The following ZNF560 variants were observed in gnomAD, a reference collection of about 807,000 sequenced individuals.
ZNF560 encodes zinc finger protein 560.
ZNF560 carries 54 observed loss-of-function variants against 81.8 expected under a neutral mutation model. The ratio of observed to expected loss-of-function variants is 0.66; its 90% CI spans 0.53 to 0.83. The LOEUF (loss-of-function observed/expected upper bound fraction) is 0.83. Ranked by LOEUF, ZNF560 falls within the 40% of genes least tolerant of loss-of-function variation. The pLI, the probability that ZNF560 is intolerant of heterozygous loss-of-function variation, is 0.00. For missense variants in ZNF560, 940 were observed against 932.4 expected (o/e 1.01, Z -0.11); for synonymous variants, 321 against 317.9 (o/e 1.01, Z -0.10).
the ZNF560 span, among the ~76,000 whole-genome samples, chr19:9,446,900 C>T: frequency 7.2e-5 from 11 of 151,872 alleles, no homozygotes; most frequent in Non-Finnish European, 1.3e-4. Flanking sequence ...TTTGGGAGGC[C>T]GAGGTGGGCA....
intron 2 of ZNF560, among the ~76,000 whole-genome samples, chr19:9,482,042 A>C (rs1330082680): frequency 6.6e-6 from 1 of 152,236 alleles, no homozygotes; most frequent in Non-Finnish European, 1.5e-5. Context: ...AATCAATGAT[A>C]GACTGGATTA....
At chr19:9,473,597 G>A (rs2073155924) in intron 4 of ZNF560, among the ~76,000 whole-genome samples, 1 of 151,894 alleles carries the variant, frequency 6.6e-6, no homozygotes, top group Non-Finnish European at 1.5e-5. Flanking sequence ...AAAAATAATG[G>A]AAGAGGCTCA....
the ZNF560 span, among the ~76,000 whole-genome samples, chr19:9,454,713 G>A: frequency 3.6e-3 from 547 of 152,278 alleles, 2 homozygotes; most frequent in Middle Eastern, 6.8e-3. Context: ...GGTCTGGGAG[G>A]AGGTAGGCAG....
chr19:9,453,507 C>A, the ZNF560 span, among the ~76,000 whole-genome samples: 1 of 152,096 alleles, frequency 6.6e-6, no homozygotes, highest in South Asian at 2.1e-4. Context: ...AAAAGGTATG[C>A]AACAGCAAAA....
chr19:9,471,493 A>AG, intron 5 of ZNF560, 115 bp from the exon 6 acceptor site: 1 of 744,906 alleles, frequency 1.3e-6, no homozygotes, highest in Non-Finnish European at 2.0e-6. Flanking sequence ...CATAAGAAAA[A>AG]AGAAAGCTAA....
At position 9,482,453 on chromosome 19, in the gene ZNF560, A is replaced by AGAAG. The variant is rs550271982; in HGVS notation, c.-56-7088_-56-7085dup. Reference sequence around the variant, plus strand: ...ATAAGGAAGGGAGGGGGGAAGGGGGAGAAGGAAGGAAGGAAGGAAGGAAGG... The same window carrying AGAAG: ...ATAAGGAAGGGAGGGGGGAAGGGGGAGAAGGAAGGAAGGAAGGAAGGAAGGAAGG... On this transcript the variant is annotated intron_variant, in intron 2 of 9. Coordinates refer to ENST00000301480, the MANE Select transcript of ZNF560 (RefSeq NM_152476.3). 4.3e-3 allele frequency among the ~76,000 whole-genome samples: 645 copies of AGAAG among 148,620 alleles called. 3 individuals carry two copies. Among genetic ancestry groups the AGAAG allele is most frequent in the African/African-American group, 0.013 (515 of 40,388 alleles).
chr19:9,478,377 G>A (rs1316396072), intron 2 of ZNF560, among the ~76,000 whole-genome samples: 6 of 152,202 alleles, frequency 3.9e-5, no homozygotes, highest in Non-Finnish European at 7.4e-5. Context: ...GTAGTTCATC[G>A]ACACCAGACC....
chr19:9,486,927 C>T (rs2073394417), intron 2 of ZNF560, among the ~76,000 whole-genome samples: 1 of 152,194 alleles, frequency 6.6e-6, no homozygotes, highest in Non-Finnish European at 1.5e-5. Context: ...TCTAGACATG[C>T]TCAGCCATGT....
chr19:9,465,129 ATTT>A (rs887659069), downstream of ZNF560, among the ~76,000 whole-genome samples: 3,045 of 129,462 alleles, frequency 0.024, 95 homozygotes, highest in African/African-American at 0.084. Context: ...AAAGCTATTG[ATTT>A]TTTTTTTTTT....
At position 9,471,402 on chromosome 19, in the gene ZNF560, GTT is replaced by G. The variant is rs544010624; in HGVS notation, c.239-26_239-25del. ...GTCTGAAACAAAAACATAAACTGAGGTTTTTTTTTTTTTTAAAAAAAAAGGTA... is the reference window on the plus strand; with the variant it reads ...GTCTGAAACAAAAACATAAACTGAGGTTTTTTTTTTTTAAAAAAAAAGGTA... On this transcript the variant is annotated intron_variant, in intron 5 of 9. Transcript: ENST00000301480. The G allele has an allele frequency of 9.6e-3, 11,422 of 1,189,540 alleles. 665 individuals are homozygous for G. The African/African-American group carries it at 0.17, about 18-fold the overall frequency. The allele number at this position is 1,189,540 out of a possible 1,614,324, so 73.7% of individuals were successfully genotyped here. A position where few individuals can be genotyped will look rare whatever the true frequency, so the allele number is the denominator to read the frequency against.
chr19:9,474,823 ATTTTTT>A (rs35450965), intron 3 of ZNF560, among the ~76,000 whole-genome samples: 1 of 85,684 alleles, frequency 1.2e-5, no homozygotes, highest in Non-Finnish European at 2.2e-5. Context: ...CATGCCTGGC[ATTTTTT>A]TTTTTTTTTT....
the ZNF560 span, among the ~76,000 whole-genome samples, chr19:9,453,235 CA>C: frequency 6.6e-6 from 1 of 152,110 alleles, no homozygotes; most frequent in Non-Finnish European, 1.5e-5. Flanking sequence ...ATGCCCTCAC[CA>C]AAAACCAACC....
intron 3 of ZNF560, 114 bp from the exon 4 acceptor site, chr19:9,474,439 C>G: frequency 8.6e-7 from 1 of 1,169,550 alleles, no homozygotes; most frequent in Non-Finnish European, 1.2e-6. Context: ...CTCTCATTAT[C>G]TACCCAAAGC....
chr19:9,506,052 G>A, the ZNF560 span, among the ~76,000 whole-genome samples: 1 of 152,142 alleles, frequency 6.6e-6, no homozygotes, highest in African/African-American at 2.4e-5. Flanking sequence ...GAGTGCAGTG[G>A]TGTGATCTCA....
intron 3 of ZNF560, among the ~76,000 whole-genome samples, 189 bp downstream of exon 3, chr19:9,475,095 C>T (rs771018667): frequency 3.3e-5 from 5 of 152,046 alleles, no homozygotes; most frequent in Middle Eastern, 3.2e-3. Flanking sequence ...TACTGAAATG[C>T]TGAAATGCTT....
chr19:9,503,335 T>G (rs991881328), upstream of ZNF560, among the ~76,000 whole-genome samples: 2 of 152,166 alleles, frequency 1.3e-5, no homozygotes, highest in Non-Finnish European at 2.9e-5. Flanking sequence ...GTAATTTGTT[T>G]TTGTTGTTGT....
chr19:9,467,703 G>C lies in ZNF560; in HGVS notation c.1244C>G (p.Thr415Arg). ...GCKECGKAFGTSAGLIEHIRC... is the reference protein window; with the variant it reads ...GCKECGKAFGRSAGLIEHIRC... ...TATATGTTCAATAAGGCCTGCAGAT[G>C]TACCAAAGGCTTTACCACATTCCTT... The change falls in exon 10 of 10, where the codon ACA becomes AGA. Residue 415 changes from threonine to arginine, a missense_variant. Physicochemically the swap from Thr to Arg is moderately conservative, Grantham distance 71 (BLOSUM62 -1). Transcript: ENST00000301480. The C allele has an allele frequency of 1.2e-6, 2 of 1,613,924 alleles. No individual in the cohort carries two copies. The highest frequency in any genetic ancestry group is 1.7e-6 in the Non-Finnish European group (2 of 1,179,970).
At chr19:9,472,003 G>A (rs943549895) in intron 5 of ZNF560, among the ~76,000 whole-genome samples, 17 of 152,116 alleles carry the variant, frequency 1.1e-4, no homozygotes, top group East Asian at 5.8e-4. Flanking sequence ...CCAGCTACTC[G>A]GGAGGCTGAG....
At chr19:9,495,183 T>C (rs1336901387) in intron 2 of ZNF560, among the ~76,000 whole-genome samples, 2 of 152,068 alleles carry the variant, frequency 1.3e-5, no homozygotes, top group Non-Finnish European at 2.9e-5. Context: ...AATTCTACTG[T>C]AGGTTTCAGC....
Sources: gnomAD v4.1 joint callset for allele counts (sites outside exome capture counted in the v4.1 genomes callset) on GRCh38, gnomAD v4.1.1 for gene constraint, MANE v1.5 for transcripts, NCBI Gene and HGNC (gene_info 2026-07-23, HGNC 2026-07-21) for gene names.